SPTBN1: variants seen among roughly 807,000 people sequenced by gnomAD.
The protein encoded by SPTBN1 is spectrin beta, non-erythrocytic 1.
In SPTBN1, 32 loss-of-function variants were observed where a neutral mutation model predicts 266.4. The ratio of observed to expected loss-of-function variants is 0.12; its 90% CI spans 0.09 to 0.16. SPTBN1 has a LOEUF of 0.16. Ranked by LOEUF, SPTBN1 falls within the 10% of genes least tolerant of loss-of-function variation. The pLI is 1.00. For synonymous variants in SPTBN1, 1,336 were observed against 1,162.2 expected, an observed-to-expected ratio of 1.15 and a Z score of -3.04; for missense variants, 2,296 against 3,067.1, an observed-to-expected ratio of 0.75 and a Z score of 5.94.
chr2:54,461,370 G>GT (rs768952887), intron 1 of SPTBN1, among the ~76,000 whole-genome samples: 63 of 152,060 alleles, frequency 4.1e-4, no homozygotes, highest in Non-Finnish European at 6.3e-4. Flanking sequence ...ATTGATTCCA[G>GT]GTTTTTTTGC....
chr2:54,577,752 C>G (rs1674591565), intron 2 of SPTBN1, among the ~76,000 whole-genome samples: 1 of 152,206 alleles, frequency 6.6e-6, no homozygotes, highest in Non-Finnish European at 1.5e-5. Context: ...ACGCAGTGCG[C>G]TTTGGGACTC....
At chr2:54,639,190 C>T (rs1159151141) in intron 18 of SPTBN1, among the ~76,000 whole-genome samples, 1 of 152,162 alleles carries the variant, frequency 6.6e-6, no homozygotes, top group African/African-American at 2.4e-5. Context: ...CAAGACAGGG[C>T]ATAGAAGAGA....
intron 1 of SPTBN1, among the ~76,000 whole-genome samples, chr2:54,501,180 G>A (rs1669247309): frequency 6.6e-6 from 1 of 152,214 alleles, no homozygotes; most frequent in Non-Finnish European, 1.5e-5. Context: ...TGAGGAGGAA[G>A]CAAAGAGTCC....
At chr2:54,514,035 C>T (rs926687237) in intron 1 of SPTBN1, among the ~76,000 whole-genome samples, 1 of 152,026 alleles carries the variant, frequency 6.6e-6, no homozygotes, top group African/African-American at 2.4e-5. Flanking sequence ...TTTTAATGTA[C>T]GAGTAGTAAA....
rs373724745 is a variant in SPTBN1, at chr2:54,629,934, G to T, written c.2712G>T (p.Arg904=). Residue 904 remains arginine, a synonymous_variant, in exon 15 of 36, where the codon CGG becomes CGT. Transcript: ENST00000356805. ...CAGAAATGAACAACCAGGCTTCCCG[G>T]GTTGCAGTGGTGAACCAGATTGCAC... ...LEPEMNNQAS[R]VAVVNQIARQ... is the part of the protein sequence containing the mutation. 1.4e-5 allele frequency: 22 copies of T among 1,614,008 alleles called. No individual in the cohort carries two copies. Among genetic ancestry groups the T allele is most frequent in the African/African-American group, 9.3e-5 (7 of 74,926 alleles).
At chr2:54,485,169 C>CCTCCGTCTCCCTCTCCCTCTCT (rs1558767404) in intron 1 of SPTBN1, among the ~76,000 whole-genome samples, 1 of 151,762 alleles carries the variant, frequency 6.6e-6, no homozygotes. Context: ...TCTCCCTCTC[C>CCTCCGTCTCCCTCTCCCTCTCT]CTCCGTCTCC....
intron 1 of SPTBN1, among the ~76,000 whole-genome samples, chr2:54,489,181 CATG>C (rs1232789930): frequency 1.4e-5 from 2 of 143,368 alleles, no homozygotes; most frequent in Admixed American, 1.4e-4. Flanking sequence ...AAAAACCAGG[CATG>C]GTGGTGTGTG....
chr2:54,563,833 A>G (rs1673490859), intron 2 of SPTBN1, among the ~76,000 whole-genome samples: 1 of 151,962 alleles, frequency 6.6e-6, no homozygotes, highest in African/African-American at 2.4e-5. Context: ...CGAACTCCTG[A>G]CCTTGTGATC....
At chr2:54,561,167 CAG>C (rs371734555) in intron 2 of SPTBN1, among the ~76,000 whole-genome samples, 27 of 152,306 alleles carry the variant, frequency 1.8e-4, no homozygotes, top group Non-Finnish European at 2.8e-4. Context: ...TTTTAAGAGA[CAG>C]AGTCTCACGC....
Position 54,484,897 on chromosome 2 carries a change from C to G in SPTBN1, c.-48+28379C>G, listed in dbSNP as rs552177314. Among the ~76,000 whole-genome samples the G allele has an allele frequency of 1.5e-4, 23 of 151,428 alleles. No homozygotes were observed. The South Asian group carries it at 3.4e-3, about 22-fold the overall frequency. On this transcript the variant is annotated intron_variant, in intron 1 of 35. Transcript: ENST00000356805. ...TCAGACCAAGAAAATTAATGCAAAA[C>G]TTCCTGATATAGTATGTCAGCGCTA... is the stretch of plus-strand genomic sequence containing the variant.
At chr2:54,608,737 A>G (rs1677021550) in intron 3 of SPTBN1, among the ~76,000 whole-genome samples, 1 of 151,890 alleles carries the variant, frequency 6.6e-6, no homozygotes, top group Admixed American at 6.6e-5. Flanking sequence ...GGATCCTTGA[A>G]CAAAGCAGGG....
chr2:54,514,375 T>G (rs1439721413), intron 1 of SPTBN1, among the ~76,000 whole-genome samples: 3 of 151,928 alleles, frequency 2.0e-5, no homozygotes, highest in Non-Finnish European at 4.4e-5. Flanking sequence ...CTTCAAAGAG[T>G]ATAGAGCCTG....
In SPTBN1 at chr2:54,616,114, G is replaced by C. The variant is rs1439559970; in HGVS notation, c.475-93G>C. 3.8e-6 allele frequency: 4 copies of C among 1,042,144 alleles called. No homozygotes were observed. The East Asian group carries it at 1.1e-4, about 27-fold the overall frequency. The allele number at this position is 1,042,144 out of a possible 1,614,324, so 64.6% of individuals were successfully genotyped here. On this transcript the variant is annotated intron_variant, in intron 4 of 35. Coordinates refer to ENST00000356805, the MANE Select transcript of SPTBN1 (RefSeq NM_003128.3). ...CTGCAGGGCAAGGCTATGATCTACAGTTTATTCTTTATGTATATGCAGACC... is the reference window on the plus strand; with the variant it reads ...CTGCAGGGCAAGGCTATGATCTACACTTTATTCTTTATGTATATGCAGACC...
At chr2:54,473,032 T>A (rs994852430) in intron 1 of SPTBN1, among the ~76,000 whole-genome samples, 2 of 152,246 alleles carry the variant, frequency 1.3e-5, no homozygotes, top group Admixed American at 1.3e-4. Flanking sequence ...ATTGTGATAA[T>A]TTCATAGCTC....
chr2:54,571,598 C>T (rs10202030), intron 2 of SPTBN1, among the ~76,000 whole-genome samples: 46,510 of 149,856 alleles, frequency 0.31, 8,741 homozygotes, highest in African/African-American at 0.54. Context: ...CACACACACA[C>T]ACATATCTAT....
chr2:54,494,576 A>G (rs1287744802), intron 1 of SPTBN1, among the ~76,000 whole-genome samples: 2 of 152,246 alleles, frequency 1.3e-5, no homozygotes, highest in Non-Finnish European at 2.9e-5. Flanking sequence ...AACTATTGGT[A>G]TATGTAGCAA....
chr2:54,465,044 A>G lies in SPTBN1; in HGVS notation c.-48+8526A>G, dbSNP rs182513491. On this transcript the variant is annotated intron_variant, in intron 1 of 35. Coordinates refer to ENST00000356805, the MANE Select transcript of SPTBN1 (RefSeq NM_003128.3). ...AAGCAATCAACACTTTAAAAATTCT[A>G]ATTTTTAAAAAGGAAAGAAAAAAGT... 1.6e-3 allele frequency among the ~76,000 whole-genome samples: 241 copies of G among 152,298 alleles called. 2 individuals carry two copies. Among genetic ancestry groups the G allele is most frequent in the African/African-American group, 5.1e-3 (213 of 41,542 alleles).
chr2:54,467,575 G>T (rs995860654), intron 1 of SPTBN1, among the ~76,000 whole-genome samples: 3 of 151,976 alleles, frequency 2.0e-5, no homozygotes, highest in Non-Finnish European at 2.9e-5. Context: ...TAGTAGAGAC[G>T]GGTTTCACCA....
At chr2:54,647,830 G>A (rs1242843091) in intron 24 of SPTBN1, among the ~76,000 whole-genome samples, 1 of 152,142 alleles carries the variant, frequency 6.6e-6, no homozygotes, top group South Asian at 2.1e-4. Flanking sequence ...GTGACAGAGT[G>A]AGACCTTGTC....
Sources: gnomAD v4.1 joint callset for allele counts (sites outside exome capture counted in the v4.1 genomes callset) on GRCh38, gnomAD v4.1.1 for gene constraint, MANE v1.5 for transcripts, NCBI Gene and HGNC (gene_info 2026-07-23, HGNC 2026-07-21) for gene names.